KIAA0319L: variants seen among roughly 807,000 people sequenced by gnomAD.
KIAA0319L encodes dyslexia-associated protein KIAA0319-like protein.
A neutral mutation model predicts 120.1 loss-of-function variants in KIAA0319L; 55 were observed. The observed-to-expected ratio is 0.46, with a 90% CI of 0.37 to 0.57. The LOEUF is 0.57. KIAA0319L is among the 20% of genes least tolerant of loss of function. KIAA0319L has a pLI of 0.00. For synonymous variants in KIAA0319L, 398 were observed against 471.9 expected (o/e 0.84, Z 2.03); for missense variants, 1,049 against 1,255.3 (o/e 0.84, Z 2.48).
At chr1:35,495,287 C>T (rs1644757651) in intron 3 of KIAA0319L, among the ~76,000 whole-genome samples, 1 of 152,056 alleles carries the variant, frequency 6.6e-6, no homozygotes, top group African/African-American at 2.4e-5. Context: ...GCAGAAAAAT[C>T]GCTTGAACCT....
intron 15 of KIAA0319L, among the ~76,000 whole-genome samples, chr1:35,449,435 A>G (rs151230580): frequency 6.6e-6 from 1 of 152,372 alleles, no homozygotes; most frequent in Non-Finnish European, 1.5e-5. Context: ...CTGAGGCTCA[A>G]CTTATAAAAA....
rs777060177 is a variant in KIAA0319L, at chr1:35,450,457, T to C, written c.2115A>G (p.Leu705=). The C allele has an allele frequency of 3.1e-6, 5 of 1,613,912 alleles. No individual in the cohort carries two copies. Among genetic ancestry groups the C allele is most frequent in the Non-Finnish European group, 3.4e-6 (4 of 1,179,898 alleles). Reference sequence around the variant, plus strand: ...CATCCAGCTCTGCTGTGCTCGTGGGTAGGGTAATCACCACATTCCCAGTTA... The same window carrying C: ...CATCCAGCTCTGCTGTGCTCGTGGGCAGGGTAATCACCACATTCCCAGTTA... ...AKITGNVVIT[L]PTSTAELDGS... The change falls in exon 14 of 21, where the codon CTA becomes CTG. Residue 705 remains leucine (L), a synonymous_variant. Transcript: ENST00000325722.
intron 2 of KIAA0319L, among the ~76,000 whole-genome samples, chr1:35,548,114 C>T (rs1418939039): frequency 8.6e-5 from 13 of 150,546 alleles, no homozygotes; most frequent in Admixed American, 8.6e-4. Context: ...GAGTGTGACT[C>T]TGTCTCGAAA....
chr1:35,504,958 T>C (rs1434673831), intron 3 of KIAA0319L, among the ~76,000 whole-genome samples: 2 of 152,196 alleles, frequency 1.3e-5, no homozygotes, highest in Non-Finnish European at 2.9e-5. Flanking sequence ...CTAACACACT[T>C]TGAAATTGTT....
At chr1:35,523,646 A>G (rs1026330326) in intron 2 of KIAA0319L, among the ~76,000 whole-genome samples, 14 of 152,332 alleles carry the variant, frequency 9.2e-5, no homozygotes, top group Middle Eastern at 3.4e-3. Context: ...CTCAAAGAGC[A>G]GAAGTTTTTG....
At chr1:35,483,683 A>C (rs561718043) in intron 3 of KIAA0319L, among the ~76,000 whole-genome samples, 1 of 152,302 alleles carries the variant, frequency 6.6e-6, no homozygotes, top group East Asian at 1.9e-4. Flanking sequence ...TTCTTTTTCA[A>C]AATCATTTTG....
chr1:35,480,600 G>T (rs12041689), intron 3 of KIAA0319L, among the ~76,000 whole-genome samples: 7,424 of 152,080 alleles, frequency 0.049, 400 homozygotes, highest in African/African-American at 0.13. Flanking sequence ...TGACCAACAT[G>T]GTGAAACCCC....
In KIAA0319L at chr1:35,444,284, CA is replaced by C. The variant is rs1641451724; in HGVS notation, c.2532del (p.Phe844LeufsTer32). 2 of 1,605,274 alleles carry C rather than the reference CA, an allele frequency of 1.2e-6. No homozygotes were observed. Among genetic ancestry groups the C allele is most frequent in the Non-Finnish European group, 1.7e-6 (2 of 1,176,626 alleles). ...ATCTGGTGGGGAGGCTCGTTTTGAACAAAAAATACCATTTTGGTGCTGCAGA... is the reference window on the plus strand; with the variant it reads ...ATCTGGTGGGGAGGCTCGTTTTGAACAAAAATACCATTTTGGTGCTGCAGA... ...YTEQSTKMVF[F>X]VQNEPPHQIF... On this transcript the variant is annotated frameshift_variant, in exon 17 of 21. Transcript: ENST00000325722. LOFTEE classifies it high-confidence loss of function.
At position 35,451,654 on chromosome 1, in the gene KIAA0319L, C is replaced by G; in HGVS notation, c.2036G>C (p.Ser679Thr). Residue 679 changes from serine to threonine, a missense_variant, in exon 13 of 21, where the codon AGC (serine) becomes ACC (threonine). Physicochemically the swap from Ser to Thr is moderately conservative, Grantham distance 58. Coordinates refer to ENST00000325722, the MANE Select transcript of KIAA0319L (RefSeq NM_024874.5). Reference sequence around the variant, plus strand: ...TTCTTTGACAATGACATTCACAGAGCTCTGGCTTTGCAGGTTCCTCTCATC... The same window carrying G: ...TTCTTTGACAATGACATTCACAGAGGTCTGGCTTTGCAGGTTCCTCTCATC... ...VKDERNLQSQ[S>T]SVNVIVKEEI... 1 of 1,614,114 alleles carries G rather than the reference C, an allele frequency of 6.2e-7. No homozygotes were observed. Among genetic ancestry groups the G allele is most frequent in the South Asian group, 1.1e-5 (1 of 91,078 alleles).
At chr1:35,524,588 C>G in intron 2 of KIAA0319L, among the ~76,000 whole-genome samples, 1 of 152,190 alleles carries the variant, frequency 6.6e-6, no homozygotes, top group East Asian at 1.9e-4. Flanking sequence ...ATTGCTAGAA[C>G]TTAGTACTGG....
intron 10 of KIAA0319L, among the ~76,000 whole-genome samples, chr1:35,455,701 C>T (rs1022371361): frequency 2.0e-5 from 3 of 151,356 alleles, no homozygotes; most frequent in Non-Finnish European, 4.4e-5. Context: ...CTGCCTCAGC[C>T]TCCCAAGTAG....
chr1:35,455,539 C>T (rs1451842015), intron 10 of KIAA0319L, among the ~76,000 whole-genome samples: 1 of 151,210 alleles, frequency 6.6e-6, no homozygotes, highest in Non-Finnish European at 1.5e-5. Flanking sequence ...TAACATTTCT[C>T]AGCCTTTTCC....
chr1:35,509,203 A>G (rs146698773), intron 2 of KIAA0319L, among the ~76,000 whole-genome samples: 8 of 152,296 alleles, frequency 5.3e-5, no homozygotes, highest in African/African-American at 1.9e-4. Flanking sequence ...ATGTTTAAAC[A>G]AAGTACCAGA....
intron 3 of KIAA0319L, among the ~76,000 whole-genome samples, chr1:35,484,815 T>TATTATACTCTAAGTTTTAGGG (rs1558440774): frequency 7.2e-6 from 1 of 139,660 alleles, no homozygotes; most frequent in Non-Finnish European, 1.5e-5. Context: ...TATTTTTTTT[T>TATTATACTCTAAGTTTTAGGG]TTATTATACT....
chr1:35,525,404 A>C (rs1646086294), intron 2 of KIAA0319L, among the ~76,000 whole-genome samples: 1 of 152,102 alleles, frequency 6.6e-6, no homozygotes, highest in South Asian at 2.1e-4. Context: ...TTCTATCTTT[A>C]GTTTGTTAAG....
chr1:35,448,149 T>TC, intron 16 of KIAA0319L, 24 bp downstream of exon 16: 2 of 1,555,538 alleles, frequency 1.3e-6, no homozygotes, highest in Non-Finnish European at 1.7e-6. Flanking sequence ...TTTCCTTTGC[T>TC]CCCCCCATTC....
At position 35,447,213 on chromosome 1, in the gene KIAA0319L, G is replaced by A. The variant is rs562049022; in HGVS notation, c.2513+960C>T. Among the ~76,000 whole-genome samples, 4 of 145,878 alleles carry A rather than the reference G, an allele frequency of 2.7e-5. No individual in the cohort carries two copies. The South Asian group carries it at 8.7e-4, about 32-fold the overall frequency. ...TTTGGTCTCTCCCTATTTTAGACTAGCTTCCACACTACTGATCTTTCTTTA... is the reference window on the plus strand; with the variant it reads ...TTTGGTCTCTCCCTATTTTAGACTAACTTCCACACTACTGATCTTTCTTTA... On this transcript the variant is annotated intron_variant, in intron 16 of 20. Transcript: ENST00000325722.
At chr1:35,502,204 G>A (rs931272355) in intron 3 of KIAA0319L, among the ~76,000 whole-genome samples, 1 of 151,332 alleles carries the variant, frequency 6.6e-6, no homozygotes, top group Non-Finnish European at 1.5e-5. Flanking sequence ...TGAACCCAGA[G>A]GCAGAGGTTG....
At chr1:35,504,788 T>C (rs188224043) in intron 3 of KIAA0319L, among the ~76,000 whole-genome samples, 60 of 152,304 alleles carry the variant, frequency 3.9e-4, no homozygotes, top group Non-Finnish European at 6.6e-4. Context: ...AACTCCCTAA[T>C]GGTTTCCCAC....
Sources: allele counts gnomAD v4.1 joint callset (sites outside exome capture counted in the v4.1 genomes callset), GRCh38; gene constraint gnomAD v4.1.1; transcripts MANE v1.5; gene names NCBI Gene and HGNC (gene_info 2026-07-23, HGNC 2026-07-21).